Variants in CAMTA1 observed in about 807,000 individuals in gnomAD.
CAMTA1 encodes calmodulin-binding transcription activator 1.
CAMTA1 carries 27 observed loss-of-function variants against 170.9 expected under a neutral mutation model. The ratio of observed to expected loss-of-function variants is 0.16; its 90% CI spans 0.12 to 0.22. The LOEUF (loss-of-function observed/expected upper bound fraction) is 0.22, where lower values mean the gene tolerates loss of function less well. CAMTA1 is among the 10% of genes least tolerant of loss of function. CAMTA1 has a pLI of 1.00. For missense variants in CAMTA1, 1,619 were observed against 2,217.2 expected, an observed-to-expected ratio of 0.73 and a Z score of 5.42; for synonymous variants, 833 against 891.5, an observed-to-expected ratio of 0.93 and a Z score of 1.17.
intron 11 of CAMTA1, among the ~76,000 whole-genome samples, chr1:7,721,132 C>T (rs2096647073): frequency 6.6e-6 from 1 of 152,304 alleles, no homozygotes; most frequent in East Asian, 1.9e-4. Flanking sequence ...TCAAAAAGCT[C>T]ACATTCTAGC....
At chr1:7,486,248 A>T (rs1370314534) in intron 6 of CAMTA1, among the ~76,000 whole-genome samples, 1 of 152,218 alleles carries the variant, frequency 6.6e-6, no homozygotes, top group Non-Finnish European at 1.5e-5. Context: ...AAAATTTCTG[A>T]TTGGTAACGT....
intron 5 of CAMTA1, among the ~76,000 whole-genome samples, chr1:7,343,644 C>A (rs78593828): frequency 0.021 from 3,194 of 152,262 alleles, 94 homozygotes; most frequent in African/African-American, 0.072. Flanking sequence ...CCCTCCCCGA[C>A]CTTCCCACCT....
At chr1:7,209,627 C>T (rs1658399829) in intron 4 of CAMTA1, among the ~76,000 whole-genome samples, 1 of 152,122 alleles carries the variant, frequency 6.6e-6, no homozygotes, top group African/African-American at 2.4e-5. Flanking sequence ...AGCTCAAGAG[C>T]ATCACCTACC....
Position 7,333,260 on chromosome 1 carries a change from C to T in CAMTA1, c.438+83634C>T, listed in dbSNP as rs10864294. The stretch of plus-strand genomic sequence containing the variant: ...TGACTCTCAGGTGATTATGAGCTTC[C>T]CTGTCGAGGTTGGGCTCTGCAAGCT... On this transcript the variant is annotated intron_variant, in intron 5 of 22. Transcript: ENST00000303635. The surrounding 1 kb of genome is among the most constrained non-coding windows in gnomAD (Gnocchi z 4.4). Among the ~76,000 whole-genome samples the T allele has an allele frequency of 0.18, 27,633 of 152,062 alleles. 4,035 individuals are homozygous for T. The highest frequency in any genetic ancestry group is 0.41 in the African/African-American group (16,971 of 41,444).
chr1:7,759,385 C>G (rs1268246613), intron 22 of CAMTA1, among the ~76,000 whole-genome samples: 3 of 152,130 alleles, frequency 2.0e-5, no homozygotes, highest in Non-Finnish European at 4.4e-5. Context: ...TAAGAAAAAG[C>G]ACCAAATATT....
chr1:7,011,871 T>C (rs74995063), intron 3 of CAMTA1, among the ~76,000 whole-genome samples: 2,079 of 152,118 alleles, frequency 0.014, 42 homozygotes, highest in African/African-American at 0.047. Context: ...TACCTCCAAA[T>C]TCCGAGATTA....
At chr1:7,558,193 T>TCGGGGC (rs994450706) in intron 6 of CAMTA1, among the ~76,000 whole-genome samples, 1 of 152,214 alleles carries the variant, frequency 6.6e-6, no homozygotes, top group Non-Finnish European at 1.5e-5. Context: ...CAGCTCCGCC[T>TCGGGGC]CGGGGCCGCA....
At chr1:7,084,373 T>G (rs1640439133) in intron 3 of CAMTA1, among the ~76,000 whole-genome samples, 2 of 152,166 alleles carry the variant, frequency 1.3e-5, no homozygotes, top group African/African-American at 2.4e-5. Flanking sequence ...GGGAGGCTGA[T>G]CTCTCTGGGC....
chr1:6,999,602 C>T (rs10864261), intron 3 of CAMTA1, among the ~76,000 whole-genome samples: 24,175 of 152,130 alleles, frequency 0.16, 1,926 homozygotes, highest in Non-Finnish European at 0.18. Context: ...AGGCTGGTCT[C>T]GAACTACTGG....
At chr1:7,686,627 C>T (rs976295176) in intron 11 of CAMTA1, among the ~76,000 whole-genome samples, 1 of 152,108 alleles carries the variant, frequency 6.6e-6, no homozygotes, top group Non-Finnish European at 1.5e-5. Flanking sequence ...ACGGGAGGGG[C>T]GTTGCCACAC....
intron 6 of CAMTA1, among the ~76,000 whole-genome samples, chr1:7,535,898 G>A (rs2094543747): frequency 6.6e-6 from 1 of 152,252 alleles, no homozygotes; most frequent in African/African-American, 2.4e-5. Flanking sequence ...GAAGCCCACA[G>A]TGGGTGAGCT....
rs779945747 is a variant in CAMTA1, at chr1:7,010,950, G to A, written c.235-80354G>A. ...TGGGAACACCTGTGCCCAGGTGCAGGTGCTGGTGAGGGTGGCTGCCGCTGT... is the reference window on the plus strand; with the variant it reads ...TGGGAACACCTGTGCCCAGGTGCAGATGCTGGTGAGGGTGGCTGCCGCTGT... On this transcript the variant is annotated intron_variant, in intron 3 of 22. Transcript: ENST00000303635. This position sits in a 1 kb window ranked among gnomAD's most constrained non-coding sequence, Gnocchi z 4.4. Among the ~76,000 whole-genome samples, 2 of 152,216 alleles carry A rather than the reference G, an allele frequency of 1.3e-5. No individual in the cohort carries two copies. The highest frequency in any genetic ancestry group is 2.9e-5 in the Non-Finnish European group (2 of 68,038).
intron 7 of CAMTA1, among the ~76,000 whole-genome samples, chr1:7,658,140 A>G (rs1289388080): frequency 6.6e-6 from 1 of 152,216 alleles, no homozygotes; most frequent in Admixed American, 6.5e-5. Context: ...CCCTGAAAAC[A>G]GCTCATCTCC....
At chr1:7,763,896 G>A (rs528504170) in intron 22 of CAMTA1, among the ~76,000 whole-genome samples, 1 of 152,294 alleles carries the variant, frequency 6.6e-6, no homozygotes, top group Admixed American at 6.5e-5. Flanking sequence ...TTGTGAATGA[G>A]GTCTGTGCTA....
intron 3 of CAMTA1, among the ~76,000 whole-genome samples, chr1:7,083,441 T>TG (rs1030128873): frequency 6.6e-6 from 1 of 152,084 alleles, no homozygotes; most frequent in African/African-American, 2.4e-5. Flanking sequence ...GACCTGTGGG[T>TG]GGGGGGTCCG....
intron 16 of CAMTA1, among the ~76,000 whole-genome samples, chr1:7,744,563 TAGGG>T (rs2096843846): frequency 6.6e-6 from 1 of 152,010 alleles, no homozygotes; most frequent in South Asian, 2.1e-4. Flanking sequence ...ACCCTGAGAG[TAGGG>T]AGTACATACA....
chr1:7,488,073 T>C (rs1205778334), intron 6 of CAMTA1, among the ~76,000 whole-genome samples: 1 of 152,218 alleles, frequency 6.6e-6, no homozygotes, highest in East Asian at 1.9e-4. Context: ...TCTGGAATCT[T>C]GCTAGAGTCT....
chr1:7,761,933 T>C (rs993915128), intron 22 of CAMTA1, among the ~76,000 whole-genome samples: 3 of 152,162 alleles, frequency 2.0e-5, no homozygotes, highest in African/African-American at 7.2e-5. Context: ...GGAGAATTGC[T>C]TGAGGCCAGG....
At chr1:7,344,255 C>T (rs755439477) in intron 5 of CAMTA1, among the ~76,000 whole-genome samples, 6 of 152,234 alleles carry the variant, frequency 3.9e-5, no homozygotes, top group Non-Finnish European at 8.8e-5. Flanking sequence ...GTCTTTTCAC[C>T]TGGTCTTCCC....
Sources: allele counts gnomAD v4.1 joint callset (sites outside exome capture counted in the v4.1 genomes callset), GRCh38; gene constraint gnomAD v4.1.1; non-coding constraint Gnocchi (gnomAD v3.1); transcripts MANE v1.5; gene names NCBI Gene and HGNC (gene_info 2026-07-23, HGNC 2026-07-21).